KLHDC1: variants seen among roughly 807,000 people sequenced by gnomAD.
The protein encoded by KLHDC1 is kelch domain containing 1.
A neutral mutation model predicts 68.3 loss-of-function variants in KLHDC1; 53 were observed. The ratio of observed to expected loss-of-function variants is 0.78; its 90% CI spans 0.62 to 0.98. The LOEUF (loss-of-function observed/expected upper bound fraction) is 0.98. Among genes scored for constraint, KLHDC1 ranks in the 50% least tolerant of loss-of-function variants. The probability of loss-of-function intolerance (pLI) is 0.00; values close to 1 mark genes in which losing one functional copy is unlikely to be tolerated. For missense variants in KLHDC1, 470 were observed against 492.3 expected (o/e 0.95, Z 0.43); for synonymous variants, 148 against 159.0 (o/e 0.93, Z 0.52).
intron 4 of KLHDC1, among the ~76,000 whole-genome samples, chr14:49,713,823 T>C (rs1215085634): frequency 2.6e-4 from 1 of 3,796 alleles, no homozygotes; most frequent in Admixed American, 2.9e-3. Context: ...TATATATATA[T>C]ATATATATAT....
chr14:49,741,826 G>A (rs758612031), intron 11 of KLHDC1, among the ~76,000 whole-genome samples: 2 of 152,130 alleles, frequency 1.3e-5, no homozygotes, highest in Non-Finnish European at 2.9e-5. Flanking sequence ...GTTCAGGAAT[G>A]ATTGATGTGG....
At chr14:49,697,415 C>T (rs1887775813) in intron 1 of KLHDC1, among the ~76,000 whole-genome samples, 1 of 152,162 alleles carries the variant, frequency 6.6e-6, no homozygotes, top group African/African-American at 2.4e-5. Context: ...TATCAAAGAT[C>T]ATTGATCACA....
chr14:49,702,334 G>C (rs1451477967), intron 1 of KLHDC1, among the ~76,000 whole-genome samples: 4 of 152,190 alleles, frequency 2.6e-5, no homozygotes, highest in African/African-American at 7.2e-5. Context: ...CTGGCAAAGA[G>C]TGTGGAGAAA....
chr14:49,694,314 C>A (rs1017588437), intron 1 of KLHDC1, among the ~76,000 whole-genome samples: 1 of 152,042 alleles, frequency 6.6e-6, no homozygotes, highest in Non-Finnish European at 1.5e-5. Flanking sequence ...CTTAAGCCAT[C>A]TGGAAGTTCT....
chr14:49,722,626 G>A (rs978038117), intron 4 of KLHDC1, among the ~76,000 whole-genome samples: 3 of 152,166 alleles, frequency 2.0e-5, no homozygotes, highest in Non-Finnish European at 4.4e-5. Context: ...TCACACTGCT[G>A]ATAATGACAT....
intron 4 of KLHDC1, among the ~76,000 whole-genome samples, chr14:49,717,500 T>C (rs964154967): frequency 1.3e-5 from 2 of 152,200 alleles, no homozygotes; most frequent in African/African-American, 4.8e-5. Context: ...CATTTGTACA[T>C]CTTCTTTGGA....
In KLHDC1 at chr14:49,741,803, C is replaced by T. The variant is rs796807985; in HGVS notation, c.981+1621C>T. On this transcript the variant is annotated intron_variant, in intron 11 of 12. Coordinates refer to ENST00000359332, the MANE Select transcript of KLHDC1 (RefSeq NM_172193.3). Reference sequence around the variant, plus strand: ...GGCGGCCATATTTATACACTATACACAATGGGACAGGAGTTCAGGAATGAT... The same window carrying T: ...GGCGGCCATATTTATACACTATACATAATGGGACAGGAGTTCAGGAATGAT... Among the ~76,000 whole-genome samples the T allele has an allele frequency of 2.0e-5, 3 of 152,118 alleles. 1 individual carries two copies. The highest frequency in any genetic ancestry group is 2.1e-4 in the South Asian group (1 of 4,830).
At chr14:49,722,598 C>T (rs958431176) in intron 4 of KLHDC1, among the ~76,000 whole-genome samples, 2 of 152,166 alleles carry the variant, frequency 1.3e-5, no homozygotes, top group South Asian at 2.1e-4. Context: ...ATGGCTCAAG[C>T]CTTGTATTAC....
chr14:49,701,641 A>G (rs1465679232), intron 1 of KLHDC1, among the ~76,000 whole-genome samples: 1 of 152,174 alleles, frequency 6.6e-6, no homozygotes, highest in Admixed American at 6.5e-5. Context: ...CCTGGGCAAC[A>G]AGAGCGAAAC....
chr14:49,697,276 G>T (rs1887771647), intron 1 of KLHDC1, among the ~76,000 whole-genome samples: 1 of 152,168 alleles, frequency 6.6e-6, no homozygotes, highest in African/African-American at 2.4e-5. Flanking sequence ...GAATAAGGAG[G>T]TCCAAGGAGA....
At chr14:49,718,125 A>G (rs1470189303) in intron 4 of KLHDC1, among the ~76,000 whole-genome samples, 5 of 151,976 alleles carry the variant, frequency 3.3e-5, no homozygotes, top group Admixed American at 2.0e-4. Context: ...GCTTCAAGTG[A>G]TCCTTCCACC....
At chr14:49,696,219 T>C (rs1887738754) in intron 1 of KLHDC1, among the ~76,000 whole-genome samples, 1 of 150,784 alleles carries the variant, frequency 6.6e-6, no homozygotes, top group Non-Finnish European at 1.5e-5. Context: ...TTGCCCAGGC[T>C]GTGGTGCAGT....
In KLHDC1 at chr14:49,724,342, G is replaced by A. The variant is rs918288674; in HGVS notation, c.483+390G>A. On this transcript the variant is annotated intron_variant, in intron 5 of 12. Transcript: ENST00000359332. ...AGGTCAGACTGGCCTCTAGATAAGAGTCAGTTGGTAGTGATACTAATTTTT... is the reference window on the plus strand; with the variant it reads ...AGGTCAGACTGGCCTCTAGATAAGAATCAGTTGGTAGTGATACTAATTTTT... Among the ~76,000 whole-genome samples, 7 of 151,828 alleles carry A rather than the reference G, an allele frequency of 4.6e-5. No individual in the cohort carries two copies. In the South Asian group the frequency reaches 1.0e-3, roughly 23 times the overall value.
At chr14:49,699,447 C>A (rs1887839314) in intron 1 of KLHDC1, among the ~76,000 whole-genome samples, 1 of 150,986 alleles carries the variant, frequency 6.6e-6, no homozygotes, top group Admixed American at 6.6e-5. Flanking sequence ...GAGGACATGG[C>A]ATATCCGGAG....
chr14:49,725,817 A>T (rs747740670), intron 6 of KLHDC1, 48 bp downstream of exon 6: 1 of 975,842 alleles, frequency 1.0e-6, no homozygotes, highest in Admixed American at 2.6e-5. Context: ...TTAAAAATAA[A>T]TTTTTTACTG....
chr14:49,711,926 T>C (rs1460505945), intron 4 of KLHDC1, among the ~76,000 whole-genome samples: 1 of 137,094 alleles, frequency 7.3e-6, no homozygotes, highest in African/African-American at 2.7e-5. Flanking sequence ...TTTTTTTTTT[T>C]TTTTTTTTTT....
chr14:49,739,939 T>G (rs1239655572), intron 10 of KLHDC1, among the ~76,000 whole-genome samples, 159 bp from the exon 11 acceptor site: 1 of 152,222 alleles, frequency 6.6e-6, no homozygotes, highest in Non-Finnish European at 1.5e-5. Context: ...TCTAGAGGAA[T>G]CTTTATAACC....
intron 4 of KLHDC1, among the ~76,000 whole-genome samples, chr14:49,713,879 G>T: frequency 1.0e-5 from 1 of 98,526 alleles, no homozygotes; most frequent in Non-Finnish European, 1.9e-5. Context: ...CTGAGACAGA[G>T]TCTCACTCTG....
intron 5 of KLHDC1, among the ~76,000 whole-genome samples, chr14:49,725,070 T>C (rs1888632113): frequency 6.6e-6 from 1 of 152,210 alleles, no homozygotes; most frequent in Admixed American, 6.5e-5. Flanking sequence ...AAATGATGTC[T>C]TTCTGACACA....
Sources: allele counts gnomAD v4.1 joint callset (sites outside exome capture counted in the v4.1 genomes callset), GRCh38; gene constraint gnomAD v4.1.1; transcripts MANE v1.5; gene names NCBI Gene and HGNC (gene_info 2026-07-23, HGNC 2026-07-21).